Variants in FRMPD4 observed in about 807,000 individuals in gnomAD.
The protein encoded by FRMPD4 is FERM and PDZ domain-containing protein 4.
FRMPD4 carries 22 observed loss-of-function variants against 94.1 expected under a neutral mutation model. The ratio of observed to expected loss-of-function variants is 0.23; its 90% CI spans 0.17 to 0.33. The LOEUF is 0.33. Among genes scored for constraint, FRMPD4 ranks in the 10% least tolerant of loss-of-function variants. The probability of loss-of-function intolerance (pLI) is 1.00; values close to 1 mark genes in which losing one functional copy is unlikely to be tolerated. For synonymous variants in FRMPD4, 631 were observed against 548.6 expected (o/e 1.15, Z -2.10); for missense variants, 1,111 against 1,339.9 (o/e 0.83, Z 2.67).
chrX:12,285,359 C>T (rs1188985948), intron 1 of FRMPD4, among the ~76,000 whole-genome samples: 2 of 111,904 alleles, frequency 1.8e-5, no homozygotes, highest in African/African-American at 6.5e-5. Context: ...AAATTTCTGA[C>T]CAGTGTTACT....
intron 4 of FRMPD4, among the ~76,000 whole-genome samples, chrX:12,671,828 G>C (rs12557461): frequency 1.8e-5 from 2 of 111,196 alleles, no homozygotes; most frequent in Non-Finnish European, 3.8e-5. Context: ...TTCTTTCCCC[G>C]CATTGTCCAC....
chrX:11,889,146 T>A (rs1305723292), intron 3 of FRMPD4, among the ~76,000 whole-genome samples: 1 of 112,469 alleles, frequency 8.9e-6, no homozygotes, highest in Non-Finnish European at 1.9e-5. Flanking sequence ...GTTCTCTAAC[T>A]TTTTTGTAAT....
intron 1 of FRMPD4, among the ~76,000 whole-genome samples, chrX:12,360,957 GAAA>G (rs71871271): frequency 0.024 from 1,386 of 58,872 alleles, 25 homozygotes; most frequent in African/African-American, 0.082. Flanking sequence ...GCCATGAAAA[GAAA>G]AAAAAAAAAA....
intron 3 of FRMPD4, among the ~76,000 whole-genome samples, chrX:11,955,747 GA>G (rs57734182): frequency 0.096 from 4,762 of 49,625 alleles, 177 homozygotes; most frequent in East Asian, 0.34. Flanking sequence ...GTCTCAAAAA[GA>G]AAAAAAAAAA....
At chrX:11,852,349 G>A (rs6530459) in intron 1 of FRMPD4, among the ~76,000 whole-genome samples, 13,400 of 105,493 alleles carry the variant, frequency 0.13, 1,116 homozygotes, top group African/African-American at 0.28. Context: ...GGCTGAGGTA[G>A]GAGAATTGCC....
rs1165614355 is a variant in FRMPD4, at chrX:12,582,778, A to G, written c.159-26943A>G. On this transcript the variant is annotated intron_variant, in intron 2 of 16. Transcript: ENST00000675598. ...ACAGGCAAAGCAGCCCAGTGCTGTC[A>G]GCCAACCAAGAGACACAGGTGCTGG... Among the ~76,000 whole-genome samples, 3 of 112,095 alleles carry G rather than the reference A, an allele frequency of 2.7e-5. No homozygotes were observed. In the East Asian group the frequency reaches 8.3e-4, roughly 31 times the overall value.
intron 1 of FRMPD4, among the ~76,000 whole-genome samples, chrX:12,173,639 T>A (rs2056257294): frequency 9.0e-6 from 1 of 111,715 alleles, no homozygotes; most frequent in Non-Finnish European, 1.9e-5. Context: ...CTCCTGCTCC[T>A]ATATTTAGGA....
intron 1 of FRMPD4, among the ~76,000 whole-genome samples, chrX:12,409,215 G>A (rs939077120): frequency 9.0e-6 from 1 of 111,708 alleles, no homozygotes; most frequent in East Asian, 2.8e-4. Flanking sequence ...ATATAGCAGC[G>A]GTTCTCAATC....
intron 3 of FRMPD4, among the ~76,000 whole-genome samples, chrX:11,987,097 T>TGAAAAAAAAAAAAAAAAAAA (rs1569137639): frequency 6.8e-5 from 1 of 14,642 alleles, no homozygotes; most frequent in Non-Finnish European, 1.1e-4. Context: ...CAAAGACACA[T>TGAAAAAAAAAAAAAAAAAAA]TAAAAAAAAA....
intron 1 of FRMPD4, among the ~76,000 whole-genome samples, chrX:12,327,807 A>G (rs2055311660): frequency 9.0e-6 from 1 of 110,908 alleles, no homozygotes. Context: ...AAAAAAAAAA[A>G]ACGATTACAT....
intron 2 of FRMPD4, among the ~76,000 whole-genome samples, chrX:11,870,361 G>A (rs912635663): frequency 3.6e-5 from 4 of 111,936 alleles, no homozygotes; most frequent in African/African-American, 1.3e-4. Flanking sequence ...GCCTGGCAAC[G>A]CCTGGAGATG....
At chrX:12,334,975 T>TA (rs2055494205) in intron 1 of FRMPD4, among the ~76,000 whole-genome samples, 2 of 111,570 alleles carry the variant, frequency 1.8e-5, no homozygotes, top group Admixed American at 9.6e-5. Flanking sequence ...TGTACAGAGA[T>TA]ACAATTGAAG....
At chrX:11,830,241 C>A (rs757669379) in intron 1 of FRMPD4, among the ~76,000 whole-genome samples, 13 of 111,718 alleles carry the variant, frequency 1.2e-4, no homozygotes, top group Non-Finnish European at 2.5e-4. Context: ...TTGGAAACAA[C>A]TTTTCTTTTT....
At chrX:11,879,014 T>A (rs2053799736) in intron 3 of FRMPD4, among the ~76,000 whole-genome samples, 2 of 112,292 alleles carry the variant, frequency 1.8e-5, no homozygotes, top group Non-Finnish European at 3.8e-5. Flanking sequence ...CCATAATTTT[T>A]CATGTCAATA....
intron 1 of FRMPD4, among the ~76,000 whole-genome samples, chrX:12,166,628 A>G (rs2056123575): frequency 9.0e-6 from 1 of 111,633 alleles, no homozygotes; most frequent in African/African-American, 3.3e-5. Context: ...AAGGAATGGT[A>G]CCAGCTCCTC....
In FRMPD4 at chrX:12,683,361, C is replaced by T. The variant is rs2059991452; in HGVS notation, c.469-122C>T. 6 of 406,953 alleles carry T rather than the reference C, an allele frequency of 1.5e-5. No homozygotes were observed. In the East Asian group the frequency reaches 2.1e-4, roughly 14 times the overall value. The allele number at this position is 406,953 out of a possible 1,213,427, so 33.5% of individuals were successfully genotyped here. ...TATAATTTGCATTTTGTCCTTGAAT[C>T]GGACATGCACCAAGCATTTTATTTT... On this transcript the variant is annotated intron_variant, in intron 5 of 16. Transcript: ENST00000675598.
chrX:12,546,724 A>G (rs2058480930), intron 2 of FRMPD4, among the ~76,000 whole-genome samples: 1 of 111,469 alleles, frequency 9.0e-6, no homozygotes, highest in Non-Finnish European at 1.9e-5. Flanking sequence ...TCCATCTGGC[A>G]GTATATTATG....
Position 12,287,980 on chromosome X carries a change from G to A in FRMPD4, c.41+148968G>A, listed in dbSNP as rs764919070. Among the ~76,000 whole-genome samples the A allele has an allele frequency of 8.1e-5, 9 of 111,588 alleles. No homozygotes were observed. In the South Asian group the frequency reaches 1.1e-3, roughly 14 times the overall value. On this transcript the variant is annotated intron_variant, in intron 1 of 16. Transcript: ENST00000675598. The stretch of plus-strand genomic sequence containing the variant: ...AGTCAGCTTTATTTCTGTCTCAGGG[G>A]TATAAGGTGGCTGCCACCCATCTGA...
chrX:12,558,670 A>G (rs1329021773), intron 2 of FRMPD4, among the ~76,000 whole-genome samples: 2 of 111,840 alleles, frequency 1.8e-5, no homozygotes, highest in South Asian at 3.8e-4. Flanking sequence ...TTTCCCCTCC[A>G]CATGAAAAGG....
Sources: allele counts gnomAD v4.1 joint callset (sites outside exome capture counted in the v4.1 genomes callset), GRCh38; gene constraint gnomAD v4.1.1; transcripts MANE v1.5; gene names NCBI Gene and HGNC (gene_info 2026-07-23, HGNC 2026-07-21).